MAN2B1: variants seen among roughly 807,000 people sequenced by gnomAD.
MAN2B1 encodes mannosidase alpha class 2B member 1.
A neutral mutation model predicts 127.5 loss-of-function variants in MAN2B1; 99 were observed. That is an observed-to-expected ratio of 0.78 (90% CI 0.66 to 0.92). The LOEUF is 0.92. Among genes scored for constraint, MAN2B1 ranks in the 40% least tolerant of loss-of-function variants. The pLI is 0.00. For missense variants in MAN2B1, 1,304 were observed against 1,384.8 expected (o/e 0.94, Z 0.93); for synonymous variants, 573 against 568.8 (o/e 1.01, Z -0.11).
intron 13 of MAN2B1, 100 bp from the exon 14 acceptor site, chr19:12,655,979 G>A: frequency 2.2e-6 from 2 of 925,456 alleles, no homozygotes; most frequent in Non-Finnish European, 3.5e-6. Flanking sequence ...TCCTGAGATG[G>A]GGAAAGGAAA....
intron 9 of MAN2B1, 23 bp downstream of exon 9, chr19:12,658,201 C>T (rs2145260656): frequency 2.5e-6 from 4 of 1,613,860 alleles, no homozygotes; most frequent in Non-Finnish European, 3.4e-6. Context: ...CTGCATGCCC[C>T]CTCTAGCCCG....
At chr19:12,656,854 G>A in intron 12 of MAN2B1, 95 bp downstream of exon 12, 2 of 1,150,118 alleles carry the variant, frequency 1.7e-6, no homozygotes, top group Non-Finnish European at 2.6e-6. Flanking sequence ...CGCAGCCCAC[G>A]TAATTTCACT....
chr19:12,655,561 A>G (rs2023934836), intron 14 of MAN2B1, 133 bp downstream of exon 14: 1 of 898,446 alleles, frequency 1.1e-6, no homozygotes, highest in Admixed American at 2.4e-5. Flanking sequence ...CACTTGCTCA[A>G]GGACACACAA....
At chr19:12,666,491 T>C in intron 1 of MAN2B1, 52 bp downstream of exon 1, 1 of 1,551,098 alleles carries the variant, frequency 6.4e-7, no homozygotes, top group Non-Finnish European at 8.7e-7. Flanking sequence ...CTAGACTGTA[T>C]TCTGGGTTTC....
At chr19:12,653,640 G>A (rs1446594612) in intron 14 of MAN2B1, among the ~76,000 whole-genome samples, 3 of 151,974 alleles carry the variant, frequency 2.0e-5, no homozygotes, top group Middle Eastern at 6.3e-3. Context: ...TAGAGATGGG[G>A]GTCCCACTAT....
chr19:12,665,783 T>C lies in MAN2B1; in HGVS notation c.182A>G (p.Asn61Ser). The C allele has an allele frequency of 6.2e-7, 1 of 1,614,066 alleles. No individual in the cohort carries two copies. Among genetic ancestry groups the C allele is most frequent in the Non-Finnish European group, 8.5e-7 (1 of 1,180,032 alleles). Residue 61 changes from asparagine (N) to serine (S), a missense_variant, in exon 2 of 24, where the codon AAC becomes AGC. Physicochemically the swap from Asn to Ser is conservative, Grantham distance 46. Coordinates refer to ENST00000456935, the MANE Select transcript of MAN2B1 (RefSeq NM_000528.4). ...AGGCAGCAGGTGCACGTTCAGCATG[T>C]TCGGCTGCACTGTGGGGCATGTCTG... is the stretch of plus-strand genomic sequence containing the variant. ...GYETCPTVQP[N>S]MLNVHLLPHT...
rs1181134914 is a variant in MAN2B1 at position 12,647,796 on chromosome 19, T to C, written c.2665-198A>G. The C allele has an allele frequency of 1.6e-6, 1 of 608,302 alleles. No homozygotes were observed. 37.7% of individuals were successfully genotyped at this position (608,302 alleles called of 1,614,324 possible). A position where few individuals can be genotyped will look rare whatever the true frequency, so the allele number is the denominator to read the frequency against. ...ATGGGGAGATGGGTCGGTCCCAAGC[T>C]TAGGGTTCGAGTCCCGATGGAGCAG... On this transcript the variant is annotated intron_variant, in intron 21 of 23. Transcript: ENST00000456935. The surrounding 1 kb of genome is among the most constrained non-coding windows in gnomAD (Gnocchi z 4.9).
chr19:12,646,935 T>C lies in MAN2B1; in HGVS notation c.2924-203A>G, dbSNP rs141321860. On this transcript the variant is annotated intron_variant, in intron 23 of 23. Coordinates refer to ENST00000456935, the MANE Select transcript of MAN2B1 (RefSeq NM_000528.4). ...GTCCTCATACCCTCAATCTGGCCAC[T>C]GTCCTCGTACCCTCAATCTGACCCC... 25 of 613,626 alleles carry C rather than the reference T, an allele frequency of 4.1e-5. No homozygotes were observed. In the East Asian group the frequency reaches 5.8e-4, roughly 14 times the overall value. The allele number at this position is 613,626 out of a possible 1,614,324, so 38.0% of individuals were successfully genotyped here. A position where few individuals can be genotyped will look rare whatever the true frequency, so the allele number is the denominator to read the frequency against.
intron 7 of MAN2B1, among the ~76,000 whole-genome samples, chr19:12,660,323 G>A (rs987584203): frequency 2.0e-5 from 3 of 152,140 alleles, no homozygotes. Flanking sequence ...GGCCAACATG[G>A]TGAAACCCTG....
chr19:12,653,183 C>T (rs1265808253), intron 14 of MAN2B1, among the ~76,000 whole-genome samples: 1 of 148,636 alleles, frequency 6.7e-6, no homozygotes, highest in African/African-American at 2.5e-5. Flanking sequence ...CGCTCTATCG[C>T]CCAGGCTGGA....
In MAN2B1 at chr19:12,654,112, A is replaced by G. The variant is rs577485882; in HGVS notation, c.1830+1582T>C. 3.5e-5 allele frequency among the ~76,000 whole-genome samples: 5 copies of G among 143,782 alleles called. No homozygotes were observed. The South Asian group carries it at 1.1e-3, about 31-fold the overall frequency. The allele number at this position is 143,782 out of a possible 152,430, so 94.3% of individuals were successfully genotyped here. ...GGCTGGAATGCAGTGGCGCCATCTC[A>G]GGTCACTGCAAGCTCCGCCTTCCGG... On this transcript the variant is annotated intron_variant, in intron 14 of 23. Transcript: ENST00000456935.
At position 12,647,634 on chromosome 19, in the gene MAN2B1, G is replaced by T. The variant is rs2023724912; in HGVS notation, c.2665-36C>A. On this transcript the variant is annotated intron_variant, in intron 21 of 23. Coordinates refer to ENST00000456935, the MANE Select transcript of MAN2B1 (RefSeq NM_000528.4). The surrounding 1 kb of genome is among the most constrained non-coding windows in gnomAD (Gnocchi z 4.9). Reference sequence around the variant, plus strand: ...GAGGGCGGGGCTGAGTTGGAGAGGGGCGGGGCCTGGATGGAGAAGGGCGGG... The same window carrying T: ...GAGGGCGGGGCTGAGTTGGAGAGGGTCGGGGCCTGGATGGAGAAGGGCGGG... The T allele has an allele frequency of 1.3e-6, 2 of 1,589,558 alleles. No individual in the cohort carries two copies. Among genetic ancestry groups the T allele is most frequent in the Admixed American group, 1.7e-5 (1 of 58,882 alleles).
At chr19:12,662,811 G>A (rs2024138420) in intron 6 of MAN2B1, among the ~76,000 whole-genome samples, 1 of 150,326 alleles carries the variant, frequency 6.7e-6, no homozygotes, top group African/African-American at 2.5e-5. Flanking sequence ...GGTGGCAGGT[G>A]CCTCTAATCC....
In MAN2B1 at chr19:12,648,355, T is replaced by G; in HGVS notation, c.2484A>C (p.Pro828=). 6.2e-7 allele frequency: 1 copy of G among 1,613,674 alleles called. No individual in the cohort carries two copies. Among genetic ancestry groups the G allele is most frequent in the Non-Finnish European group, 8.5e-7 (1 of 1,179,820 alleles). Residue 828 remains proline, a synonymous_variant, in exon 21 of 24, where the codon CCA becomes CCC. Coordinates refer to ENST00000456935, the MANE Select transcript of MAN2B1 (RefSeq NM_000528.4). ...LKDDGRGVSE[P]LMENGSGAWV... The stretch of plus-strand genomic sequence containing the variant: ...ACGCCCCCGACCCGTTCTCCATTAG[T>G]GGCTCCGATACTCCGCGTCCATCGT...
rs577917449 is a variant in MAN2B1, at chr19:12,652,397, G to A, written c.1894C>T (p.Gln632Ter). The A allele has an allele frequency of 6.2e-7, 1 of 1,614,144 alleles. No individual in the cohort carries two copies. The highest frequency in any genetic ancestry group is 1.1e-5 in the South Asian group (1 of 91,078). Residue 632 changes from glutamine (Q) to a stop codon, truncating the protein, a stop_gained, in exon 15 of 24, where the codon CAA (glutamine) becomes TAA (stop). Coordinates refer to ENST00000456935, the MANE Select transcript of MAN2B1 (RefSeq NM_000528.4). LOFTEE classifies it high-confidence loss of function. ...GTCTGGCGAACAGGCAGCAGGAGTT[G>A]CTGATTCATGTTCATAATCTCCATC... is the stretch of plus-strand genomic sequence containing the variant. ...LLMEIMNMNQ[Q>*]LLLPVRQTFF...
Position 12,666,608 on chromosome 19 carries a change from G to T in MAN2B1, c.94C>A (p.Leu32Ile), listed in dbSNP as rs1471471874. The part of the protein sequence containing the change: ...WTMSRALRPP[L>I]PPLCFFLLLL... ...AAAAGGAAAAAGCAGAGAGGCGGGA[G>T]CGGTGGCCGCAGGGCGCGGGACATG... The change falls in exon 1 of 24, where the codon CTC (leucine) becomes ATC (isoleucine). Residue 32 changes from leucine to isoleucine, a missense_variant. Physicochemically the swap from Leu to Ile is conservative, Grantham distance 5 (BLOSUM62 2). Coordinates refer to ENST00000456935, the MANE Select transcript of MAN2B1 (RefSeq NM_000528.4). 9 of 1,563,506 alleles carry T rather than the reference G, an allele frequency of 5.8e-6. No homozygotes were observed. In the South Asian group the frequency reaches 8.2e-5, roughly 14 times the overall value.
intron 11 of MAN2B1, 143 bp downstream of exon 11, chr19:12,657,303 C>T (rs1342835554): frequency 2.7e-5 from 17 of 626,964 alleles, no homozygotes; most frequent in African/African-American, 5.6e-5. Flanking sequence ...CCGCCTCCTA[C>T]AAGCCCCGCC....
intron 16 of MAN2B1, 38 bp from the exon 17 acceptor site, chr19:12,650,260 C>G (rs761987850): frequency 2.2e-6 from 3 of 1,367,300 alleles, no homozygotes; most frequent in African/African-American, 1.4e-5. Context: ...CAGTCTGTAC[C>G]TGAGCAGAGG....
chr19:12,656,565 G>C lies in MAN2B1; in HGVS notation c.1644+6C>G. 2 of 1,605,220 alleles carry C rather than the reference G, an allele frequency of 1.2e-6. No individual in the cohort carries two copies. The highest frequency in any genetic ancestry group is 1.7e-6 in the Non-Finnish European group (2 of 1,172,010). On this transcript the variant is annotated splice_donor_region_variant and intron_variant, in intron 13 of 23. Coordinates refer to ENST00000456935, the MANE Select transcript of MAN2B1 (RefSeq NM_000528.4). ...CAGCGGGGGAATATTCGTTGTTTGG[G>C]CTCACATCGCTGGGCACTGTCCTGC...
Sources: gnomAD v4.1 joint callset for allele counts (sites outside exome capture counted in the v4.1 genomes callset) on GRCh38, gnomAD v4.1.1 for gene constraint, Gnocchi (gnomAD v3.1) non-coding constraint, MANE v1.5 for transcripts, NCBI Gene and HGNC (gene_info 2026-07-23, HGNC 2026-07-21) for gene names.